Variants in CDK8 observed in about 807,000 individuals in gnomAD.
The protein encoded by CDK8 is cyclin-dependent kinase 8.
A neutral mutation model predicts 71.5 loss-of-function variants in CDK8; 29 were observed. That is an observed-to-expected ratio of 0.41 (90% CI 0.30 to 0.55). The LOEUF (loss-of-function observed/expected upper bound fraction) is 0.55, where lower values mean the gene tolerates loss of function less well. CDK8 is among the 20% of genes least tolerant of loss of function. CDK8 has a pLI of 0.37. For missense variants in CDK8, 288 were observed against 572.6 expected (o/e 0.50, Z 5.07); for synonymous variants, 161 against 192.1 (o/e 0.84, Z 1.34).
chr13:26,289,051 GTTTTTTTTTTT>G (rs5802371), intron 1 of CDK8, among the ~76,000 whole-genome samples: 2 of 56,230 alleles, frequency 3.6e-5, no homozygotes, highest in African/African-American at 1.2e-4. Flanking sequence ...AGCTTCTGTA[GTTTTTTTTTTT>G]TTTTTTTTTT....
chr13:26,336,598 G>A (rs1357384319), intron 1 of CDK8, among the ~76,000 whole-genome samples: 2 of 141,792 alleles, frequency 1.4e-5, no homozygotes, highest in East Asian at 4.1e-4. Flanking sequence ...CTGTCGCCCA[G>A]GCTGGACTGC....
chr13:26,370,450 C>T (rs1267047215), intron 4 of CDK8, among the ~76,000 whole-genome samples: 1 of 152,140 alleles, frequency 6.6e-6, no homozygotes, highest in Non-Finnish European at 1.5e-5. Flanking sequence ...TCTGGTGAAA[C>T]AGTGTTCATT....
rs1333714151 is a variant in CDK8 at position 26,270,419 on chromosome 13, C to T, written c.128+15650C>T. Among the ~76,000 whole-genome samples the T allele has an allele frequency of 4.0e-5, 6 of 151,626 alleles. No homozygotes were observed. The East Asian group carries it at 1.2e-3, about 29-fold the overall frequency. The stretch of plus-strand genomic sequence containing the variant: ...AAAAAAAAAAATACACACACACACA[C>T]ATACACAGTTTAGTGCTTTTTGATA... On this transcript the variant is annotated intron_variant, in intron 1 of 12. Coordinates refer to ENST00000381527, the MANE Select transcript of CDK8 (RefSeq NM_001260.3).
chr13:26,332,228 T>A (rs1025957647), intron 1 of CDK8, among the ~76,000 whole-genome samples: 6 of 151,962 alleles, frequency 3.9e-5, no homozygotes, highest in Non-Finnish European at 7.4e-5. Context: ...AGGTTTTTTT[T>A]AATACAAGAT....
chr13:26,401,443 C>T lies in CDK8; in HGVS notation c.1111-23C>T. On this transcript the variant is annotated intron_variant, in intron 11 of 12. Coordinates refer to ENST00000381527, the MANE Select transcript of CDK8 (RefSeq NM_001260.3). The surrounding 1 kb of genome is among the most constrained non-coding windows in gnomAD (Gnocchi z 4.5). ...TATTTTGTTCTCCCTCTGAGCTGAACTTTTTCTGTTTAACCAATTGAGAAG... is the reference window on the plus strand; with the variant it reads ...TATTTTGTTCTCCCTCTGAGCTGAATTTTTTCTGTTTAACCAATTGAGAAG... The T allele has an allele frequency of 1.2e-6, 2 of 1,613,976 alleles. No homozygotes were observed. The highest frequency in any genetic ancestry group is 1.7e-6 in the Non-Finnish European group (2 of 1,179,914).
Position 26,349,929 on chromosome 13 carries a change from C to A in CDK8, c.315+747C>A, listed in dbSNP as rs571274842. On this transcript the variant is annotated intron_variant, in intron 3 of 12. Transcript: ENST00000381527. Reference sequence around the variant, plus strand: ...ATAGTGGTCTCCTAAGATTATAGTACCATATTGTTACTGTACCTTTTCTAT... The same window carrying A: ...ATAGTGGTCTCCTAAGATTATAGTAACATATTGTTACTGTACCTTTTCTAT... 1.9e-4 allele frequency among the ~76,000 whole-genome samples: 29 copies of A among 152,272 alleles called. No individual in the cohort carries two copies. The South Asian group carries it at 5.4e-3, about 28-fold the overall frequency.
At chr13:26,341,739 G>A (rs888355046) in intron 2 of CDK8, among the ~76,000 whole-genome samples, 1 of 152,000 alleles carries the variant, frequency 6.6e-6, no homozygotes, top group Non-Finnish European at 1.5e-5. Flanking sequence ...TACTATAGAA[G>A]TTCAAATTAA....
Position 26,336,601 on chromosome 13 carries a change from T to G in CDK8, c.129-966T>G, listed in dbSNP as rs545582832. Among the ~76,000 whole-genome samples the G allele has an allele frequency of 3.1e-3, 446 of 143,426 alleles. 1 individual carries two copies. The highest frequency in any genetic ancestry group is 0.011 in the African/African-American group (431 of 37,894). The allele number at this position is 143,426 out of a possible 152,430, so 94.1% of individuals were successfully genotyped here. A position where few individuals can be genotyped will look rare whatever the true frequency, so the allele number is the denominator to read the frequency against. On this transcript the variant is annotated intron_variant, in intron 1 of 12. Transcript: ENST00000381527. ...CGGAGTCTCGCTCTGTCGCCCAGGCTGGACTGCAGTGGCGTGATCTCGGCT... is the reference window on the plus strand; with the variant it reads ...CGGAGTCTCGCTCTGTCGCCCAGGCGGGACTGCAGTGGCGTGATCTCGGCT...
At chr13:26,329,804 G>T (rs926285884) in intron 1 of CDK8, among the ~76,000 whole-genome samples, 4 of 151,932 alleles carry the variant, frequency 2.6e-5, no homozygotes, top group Admixed American at 6.6e-5. Context: ...GCACCCGGCC[G>T]CCTATTTCTA....
At chr13:26,317,489 CA>C (rs1874564790) in intron 1 of CDK8, among the ~76,000 whole-genome samples, 2 of 152,124 alleles carry the variant, frequency 1.3e-5, no homozygotes, top group Admixed American at 1.3e-4. Flanking sequence ...AAAGTGTACA[CA>C]TTCTTCTCAA....
At chr13:26,335,140 A>T (rs1382688008) in intron 1 of CDK8, among the ~76,000 whole-genome samples, 1 of 151,990 alleles carries the variant, frequency 6.6e-6, no homozygotes, top group Non-Finnish European at 1.5e-5. Context: ...TTACTCCAGC[A>T]CCTGCCTTAT....
chr13:26,383,144 G>T (rs1875310953), intron 5 of CDK8, among the ~76,000 whole-genome samples: 2 of 152,108 alleles, frequency 1.3e-5, no homozygotes, highest in African/African-American at 2.4e-5. Context: ...GAGGTGAGGG[G>T]CTTCTATCTC....
chr13:26,341,207 A>G (rs909303440), intron 2 of CDK8, among the ~76,000 whole-genome samples: 3 of 152,064 alleles, frequency 2.0e-5, no homozygotes, highest in Non-Finnish European at 2.9e-5. Flanking sequence ...GCTCACTGCA[A>G]TCTCTGCCTC....
At chr13:26,377,991 T>C (rs1173975618) in intron 4 of CDK8, among the ~76,000 whole-genome samples, 1 of 152,358 alleles carries the variant, frequency 6.6e-6, no homozygotes, top group Non-Finnish European at 1.5e-5. Context: ...TAGTTTCTTA[T>C]GGATCATTGT....
intron 1 of CDK8, among the ~76,000 whole-genome samples, chr13:26,329,750 C>T (rs2137961200): frequency 6.6e-6 from 1 of 152,126 alleles, no homozygotes; most frequent in Admixed American, 6.5e-5. Context: ...GTGATCCGCC[C>T]ACCTCGGCCT....
At chr13:26,374,414 G>A (rs1874850750) in intron 4 of CDK8, among the ~76,000 whole-genome samples, 2 of 152,078 alleles carry the variant, frequency 1.3e-5, no homozygotes, top group African/African-American at 4.8e-5. Flanking sequence ...AAGAAAATTA[G>A]CATATTTAGT....
At chr13:26,383,218 A>G (rs959658170) in intron 5 of CDK8, among the ~76,000 whole-genome samples, 3 of 152,178 alleles carry the variant, frequency 2.0e-5, no homozygotes, top group Non-Finnish European at 4.4e-5. Flanking sequence ...TAATTCTACT[A>G]TCAGTTGTGT....
chr13:26,322,221 A>C (rs544805855), intron 1 of CDK8, among the ~76,000 whole-genome samples: 1 of 152,272 alleles, frequency 6.6e-6, no homozygotes, highest in Non-Finnish European at 1.5e-5. Context: ...GAATTAGGAG[A>C]ACTTAGGGCT....
At chr13:26,386,403 T>C (rs1236981855) in intron 6 of CDK8, among the ~76,000 whole-genome samples, 2 of 152,220 alleles carry the variant, frequency 1.3e-5, no homozygotes, top group African/African-American at 4.8e-5. Flanking sequence ...TTTGTGTCTT[T>C]ATGGTTTCCT....
Sources: allele counts gnomAD v4.1 joint callset (sites outside exome capture counted in the v4.1 genomes callset), GRCh38; gene constraint gnomAD v4.1.1; non-coding constraint Gnocchi (gnomAD v3.1); transcripts MANE v1.5; gene names NCBI Gene and HGNC (gene_info 2026-07-23, HGNC 2026-07-21).